Variants in ABLIM1 observed in about 807,000 individuals in gnomAD.
The protein encoded by ABLIM1 is actin binding LIM protein 1, also known as actin-binding LIM protein 1.
ABLIM1 carries 40 observed loss-of-function variants against 107.0 expected under a neutral mutation model. The ratio of observed to expected loss-of-function variants is 0.37; its 90% confidence interval spans 0.29 to 0.49. The LOEUF is 0.49. ABLIM1 is among the 20% of genes least tolerant of loss of function. ABLIM1 has a pLI of 0.97. For synonymous variants in ABLIM1, 357 were observed against 357.3 expected (o/e 1.00, Z 0.01); for missense variants, 857 against 1,008.5 (o/e 0.85, Z 2.04).
chr10:114,700,080 C>T (rs1316711681), intron 1 of ABLIM1, among the ~76,000 whole-genome samples: 1 of 152,092 alleles, frequency 6.6e-6, no homozygotes. Flanking sequence ...ATTATAGGCA[C>T]AAGTCACCAC....
chr10:114,794,733 G>T, the ABLIM1 span, among the ~76,000 whole-genome samples: 1 of 152,140 alleles, frequency 6.6e-6, no homozygotes, highest in African/African-American at 2.4e-5. Flanking sequence ...TAATTAGCTG[G>T]ATCATAGCCA....
intron 6 of ABLIM1, among the ~76,000 whole-genome samples, chr10:114,494,341 T>A (rs1303150268): frequency 1.3e-5 from 2 of 152,182 alleles, no homozygotes; most frequent in Non-Finnish European, 2.9e-5. Flanking sequence ...AAAACCATCC[T>A]GAGCAAAACA....
chr10:114,455,812 C>CTTTTT (rs11285756), intron 12 of ABLIM1, among the ~76,000 whole-genome samples: 1 of 139,562 alleles, frequency 7.2e-6, no homozygotes, highest in Non-Finnish European at 1.6e-5. Context: ...GAAACTGCAA[C>CTTTTT]TTTTTTTTTT....
chr10:114,732,113 A>G (rs745613641), intron 1 of ABLIM1, among the ~76,000 whole-genome samples: 2 of 151,240 alleles, frequency 1.3e-5, no homozygotes, highest in Non-Finnish European at 2.9e-5. Context: ...TTTTTATTAC[A>G]ACCATCCTAT....
At chr10:114,635,931 C>A (rs1467255069) in intron 1 of ABLIM1, among the ~76,000 whole-genome samples, 1 of 152,198 alleles carries the variant, frequency 6.6e-6, no homozygotes, top group African/African-American at 2.4e-5. Flanking sequence ...GTGTTGGCAT[C>A]AATCAATCTC....
At chr10:114,612,667 A>G (rs1433554144) in intron 1 of ABLIM1, among the ~76,000 whole-genome samples, 2 of 152,220 alleles carry the variant, frequency 1.3e-5, no homozygotes, top group Non-Finnish European at 2.9e-5. Context: ...AATTCTACTT[A>G]GAAATGAATC....
intron 12 of ABLIM1, chr10:114,463,023 C>T: frequency 7.6e-7 from 1 of 1,319,366 alleles, no homozygotes; most frequent in Non-Finnish European, 1.0e-6. Flanking sequence ...AGGGTGCTGC[C>T]TGGAGAAACC....
intron 1 of ABLIM1, among the ~76,000 whole-genome samples, chr10:114,681,594 T>A (rs2080753107): frequency 6.6e-6 from 1 of 152,196 alleles, no homozygotes; most frequent in Non-Finnish European, 1.5e-5. Flanking sequence ...GTATACTACA[T>A]CCCCTTCTAA....
At chr10:114,466,732 C>T (rs1418125426) in intron 11 of ABLIM1, among the ~76,000 whole-genome samples, 1 of 152,176 alleles carries the variant, frequency 6.6e-6, no homozygotes, top group African/African-American at 2.4e-5. Flanking sequence ...CTTTGGGAAA[C>T]ATATCCCAAG....
chr10:114,547,896 C>CA (rs917392658), intron 4 of ABLIM1, 120 bp from the exon 5 acceptor site: 1 of 1,321,332 alleles, frequency 7.6e-7, no homozygotes, highest in African/African-American at 1.5e-5. Flanking sequence ...ACTCAAGCAC[C>CA]ATCTCGGGTC....
intron 10 of ABLIM1, among the ~76,000 whole-genome samples, chr10:114,471,926 G>A (rs562342246): frequency 2.4e-4 from 37 of 152,126 alleles, no homozygotes; most frequent in Non-Finnish European, 4.0e-4. Flanking sequence ...AAATGAGAGT[G>A]AGCCGATTGG....
intron 6 of ABLIM1, among the ~76,000 whole-genome samples, chr10:114,514,654 C>T (rs1340732150): frequency 3.9e-5 from 6 of 152,224 alleles, no homozygotes; most frequent in Non-Finnish European, 7.3e-5. Context: ...GTTGGGATTA[C>T]AGGCGTGGCC....
chr10:114,685,758 C>G (rs1591824699), upstream of ABLIM1, among the ~76,000 whole-genome samples: 1 of 152,238 alleles, frequency 6.6e-6, no homozygotes, highest in African/African-American at 2.4e-5. Context: ...CTGATTACAC[C>G]TAATGCCTTG....
At chr10:114,770,035 A>G (rs1439488635), upstream of ABLIM1, among the ~76,000 whole-genome samples, 1 of 152,158 alleles carries the variant, frequency 6.6e-6, no homozygotes, top group Non-Finnish European at 1.5e-5. Context: ...CCCTGCCTAC[A>G]TTCAGCCTCC....
intron 8 of ABLIM1, among the ~76,000 whole-genome samples, chr10:114,480,619 T>C (rs550294303): frequency 1.3e-5 from 2 of 152,266 alleles, no homozygotes; most frequent in Admixed American, 6.5e-5. Flanking sequence ...AGATACAGAA[T>C]TATATATGGT....
the ABLIM1 span, among the ~76,000 whole-genome samples, chr10:114,798,942 C>T: frequency 5.3e-5 from 8 of 152,032 alleles, no homozygotes; most frequent in East Asian, 3.9e-4. Flanking sequence ...ACTACAGGTG[C>T]GTGCCACCAA....
intron 2 of ABLIM1, among the ~76,000 whole-genome samples, chr10:114,598,229 A>G (rs1366241517): frequency 7.6e-6 from 1 of 131,746 alleles, no homozygotes; most frequent in Non-Finnish European, 1.5e-5. Context: ...AGCCAAGATC[A>G]CTCCACCGCA....
At chr10:114,593,691 G>A (rs561808153) in intron 2 of ABLIM1, among the ~76,000 whole-genome samples, 1 of 152,240 alleles carries the variant, frequency 6.6e-6, no homozygotes, top group East Asian at 1.9e-4. Context: ...TGTTTGTTGT[G>A]CAAATGACCT....
chr10:114,676,576 G>C (rs2080497348), intron 1 of ABLIM1, among the ~76,000 whole-genome samples: 1 of 152,008 alleles, frequency 6.6e-6, no homozygotes, highest in African/African-American at 2.4e-5. Context: ...TTGGGGAAAT[G>C]GTATTCCCAA....
Sources: allele counts gnomAD v4.1 joint callset (sites outside exome capture counted in the v4.1 genomes callset), GRCh38; gene constraint gnomAD v4.1.1; transcripts MANE v1.5; gene names NCBI Gene and HGNC (gene_info 2026-07-23, HGNC 2026-07-21).